The following RAD51B variants were observed in gnomAD, a reference collection of about 807,000 sequenced individuals.
RAD51B encodes the protein DNA repair protein RAD51 homolog 2.
RAD51B carries 38 observed loss-of-function variants against 42.2 expected under a neutral mutation model. That is an observed-to-expected ratio of 0.90 (90% CI 0.70 to 1.18). The LOEUF (loss-of-function observed/expected upper bound fraction) is 1.18, where lower values mean the gene tolerates loss of function less well. RAD51B is among the 50% of genes most tolerant of loss of function. RAD51B has a pLI of 0.00. For missense variants in RAD51B, 373 were observed against 400.7 expected (o/e 0.93, Z 0.59); for synonymous variants, 154 against 145.2 (o/e 1.06, Z -0.43).
intron 7 of RAD51B, among the ~76,000 whole-genome samples, chr14:68,099,896 A>T (rs2077260113): frequency 6.6e-6 from 1 of 152,216 alleles, no homozygotes; most frequent in Non-Finnish European, 1.5e-5. Context: ...AACTGAGGAA[A>T]ACCGATTAAA....
chr14:68,611,976 T>C (rs1891697309), downstream of RAD51B, among the ~76,000 whole-genome samples: 1 of 152,204 alleles, frequency 6.6e-6, no homozygotes, highest in Non-Finnish European at 1.5e-5. Context: ...TTGCTGTGAA[T>C]TTCAAAGGAC....
intron 10 of RAD51B, among the ~76,000 whole-genome samples, chr14:68,554,765 C>G (rs1384127185): frequency 6.6e-6 from 1 of 152,114 alleles, no homozygotes; most frequent in Non-Finnish European, 1.5e-5. Flanking sequence ...TGCTGTTTCC[C>G]CATGCCTAGA....
rs1431085079 is a variant in RAD51B, at chr14:68,292,092, A to ACCCAG, written c.853+115_853+119dup. 4 of 934,752 alleles carry ACCCAG rather than the reference A, an allele frequency of 4.3e-6. No individual in the cohort carries two copies. The African/African-American group carries it at 6.5e-5, about 15-fold the overall frequency. 57.9% of individuals were successfully genotyped at this position (934,752 alleles called of 1,614,324 possible). On this transcript the variant is annotated intron_variant, in intron 8 of 10. Transcript: ENST00000471583. ...ATGGCTAATAGGCCCTGGCCAGTGA[A>ACCCAG]CCCAGCCGGAGCCTGTTGATTTAGG... is the stretch of plus-strand genomic sequence containing the variant.
chr14:68,628,083 T>C (rs1399203452), intron 10 of RAD51B, among the ~76,000 whole-genome samples: 1 of 152,176 alleles, frequency 6.6e-6, no homozygotes. Flanking sequence ...CTATCAAAAG[T>C]TTCCATCTTC....
At chr14:67,888,278 A>G (rs188759244) in intron 7 of RAD51B, among the ~76,000 whole-genome samples, 4 of 152,230 alleles carry the variant, frequency 2.6e-5, no homozygotes, top group African/African-American at 9.6e-5. Flanking sequence ...GGTTAAAATG[A>G]TAAATTCAAA....
intron 11 of RAD51B, among the ~76,000 whole-genome samples, chr14:68,664,232 A>T (rs1417501210): frequency 6.6e-6 from 1 of 152,162 alleles, no homozygotes; most frequent in Non-Finnish European, 1.5e-5. Context: ...CTGTAGTTAC[A>T]TTCTTTCTGA....
chr14:68,640,834 T>C (rs1029606599), intron 10 of RAD51B, among the ~76,000 whole-genome samples: 1 of 152,186 alleles, frequency 6.6e-6, no homozygotes, highest in Non-Finnish European at 1.5e-5. Flanking sequence ...GCCCATTTCA[T>C]CTAGGTGTAT....
intron 4 of RAD51B, among the ~76,000 whole-genome samples, chr14:67,847,606 T>A (rs930610118): frequency 6.6e-6 from 1 of 152,200 alleles, no homozygotes; most frequent in Admixed American, 6.5e-5. Context: ...CTTCTTGATA[T>A]TCATTTTAAT....
At chr14:67,929,924 A>AAC (rs1295377670) in intron 7 of RAD51B, among the ~76,000 whole-genome samples, 36 of 152,110 alleles carry the variant, frequency 2.4e-4, no homozygotes, top group African/African-American at 8.4e-4. Flanking sequence ...AGCTGGGATT[A>AAC]CAGGCAGGAG....
chr14:68,614,132 C>T (rs575316281), downstream of RAD51B, among the ~76,000 whole-genome samples: 1 of 152,250 alleles, frequency 6.6e-6, no homozygotes, highest in East Asian at 1.9e-4. Flanking sequence ...ACCTCTACTG[C>T]CTATGACACG....
intron 7 of RAD51B, among the ~76,000 whole-genome samples, chr14:68,210,410 A>G (rs1015193490): frequency 2.6e-5 from 4 of 152,262 alleles, no homozygotes; most frequent in African/African-American, 9.6e-5. Context: ...TCTGGAGCCA[A>G]ATAGATAGGA....
intron 8 of RAD51B, among the ~76,000 whole-genome samples, chr14:68,395,600 C>A (rs1297706386): frequency 6.6e-6 from 1 of 152,248 alleles, no homozygotes; most frequent in East Asian, 1.9e-4. Flanking sequence ...GTTGTTGCTG[C>A]AATGTTGTTG....
At chr14:67,825,115 A>G (rs2040778215) in intron 2 of RAD51B, among the ~76,000 whole-genome samples, 1 of 150,832 alleles carries the variant, frequency 6.6e-6, no homozygotes, top group Non-Finnish European at 1.5e-5. Flanking sequence ...AAAGGAAAGA[A>G]ACTCTTTCAA....
intron 7 of RAD51B, among the ~76,000 whole-genome samples, chr14:68,074,406 T>C (rs796939819): frequency 1.1e-4 from 16 of 152,310 alleles, no homozygotes; most frequent in African/African-American, 3.8e-4. Flanking sequence ...ATTGAGTGTT[T>C]TGTCTTTTAT....
chr14:67,974,756 C>T (rs919665632), intron 7 of RAD51B, among the ~76,000 whole-genome samples: 1 of 151,968 alleles, frequency 6.6e-6, no homozygotes, highest in Non-Finnish European at 1.5e-5. Context: ...CACTTTTTCC[C>T]TACTCATTCT....
At chr14:68,571,959 C>T (rs1035555845) in intron 10 of RAD51B, among the ~76,000 whole-genome samples, 1 of 152,100 alleles carries the variant, frequency 6.6e-6, no homozygotes, top group East Asian at 1.9e-4. Context: ...AAGTGGACAT[C>T]GATTTTATTT....
At chr14:68,561,155 C>T (rs1220472298) in intron 10 of RAD51B, among the ~76,000 whole-genome samples, 1 of 152,246 alleles carries the variant, frequency 6.6e-6, no homozygotes, top group African/African-American at 2.4e-5. Flanking sequence ...TGAGAACTCC[C>T]ATGCTGGCTC....
At chr14:67,861,650 C>T (rs1258199206) in intron 4 of RAD51B, among the ~76,000 whole-genome samples, 1 of 151,800 alleles carries the variant, frequency 6.6e-6, no homozygotes, top group Non-Finnish European at 1.5e-5. Context: ...ATTTGCTGAC[C>T]CTTTTTTGTA....
At chr14:68,083,191 T>A (rs2076938247) in intron 7 of RAD51B, among the ~76,000 whole-genome samples, 1 of 152,198 alleles carries the variant, frequency 6.6e-6, no homozygotes, top group African/African-American at 2.4e-5. Flanking sequence ...CCACCTAAGA[T>A]CTTAGAGTGA....
Sources: allele counts gnomAD v4.1 joint callset (sites outside exome capture counted in the v4.1 genomes callset), GRCh38; gene constraint gnomAD v4.1.1; transcripts MANE v1.5; gene names NCBI Gene and HGNC (gene_info 2026-07-23, HGNC 2026-07-21).